DYSF: variants seen among roughly 807,000 people sequenced by gnomAD.
DYSF encodes dysferlin, also known as dystrophy-associated fer-1-like 1.
Under a neutral mutation model 274.9 loss-of-function variants are expected in DYSF, and 212 were observed. That is an observed-to-expected ratio of 0.77 (90% CI 0.69 to 0.86). The LOEUF (loss-of-function observed/expected upper bound fraction) is 0.86. Ranked by LOEUF, DYSF falls within the 40% of genes least tolerant of loss-of-function variation. DYSF has a pLI of 0.00. For synonymous variants in DYSF, 1,091 were observed against 1,078.7 expected (o/e 1.01, Z -0.22); for missense variants, 2,666 against 2,783.2 (o/e 0.96, Z 0.95).
chr2:71,613,169 A>T (rs1202399672), intron 39 of DYSF, among the ~76,000 whole-genome samples, 165 bp from the exon 40 acceptor site: 1 of 152,080 alleles, frequency 6.6e-6, no homozygotes, highest in Non-Finnish European at 1.5e-5. Flanking sequence ...AGAGATGGAG[A>T]TGAGAGAGGG....
rs368297365 is a variant in DYSF, at chr2:71,619,709, T to C, written c.4465-838T>C. Among the ~76,000 whole-genome samples, 9 of 152,248 alleles carry C rather than the reference T, an allele frequency of 5.9e-5. No individual in the cohort carries two copies. The East Asian group carries it at 9.7e-4, about 16-fold the overall frequency. On this transcript the variant is annotated intron_variant, in intron 40 of 55. Transcript: ENST00000410020. The stretch of plus-strand genomic sequence containing the variant: ...TGTGCTTCTTTCTTCCCCTCTACCT[T>C]TGCGCTTGCGATTCCCTCTGCCTAG...
At chr2:71,538,089 G>A in intron 16 of DYSF, among the ~76,000 whole-genome samples, 2 of 152,230 alleles carry the variant, frequency 1.3e-5, no homozygotes, top group East Asian at 3.9e-4. Context: ...TCAAATCCCA[G>A]CTTTGCCATC....
chr2:71,469,112 G>A (rs1287679426), intron 1 of DYSF, among the ~76,000 whole-genome samples: 22 of 152,174 alleles, frequency 1.4e-4, no homozygotes, highest in Admixed American at 1.4e-3. Flanking sequence ...ACAAATACCC[G>A]ATGCAGGTTA....
intron 41 of DYSF, 70 bp downstream of exon 41, chr2:71,620,679 G>A: frequency 1.4e-6 from 2 of 1,444,502 alleles, no homozygotes; most frequent in Non-Finnish European, 1.9e-6. Flanking sequence ...GGGGTTAGGA[G>A]GGAAATGGGA....
intron 45 of DYSF, among the ~76,000 whole-genome samples, chr2:71,663,643 C>T (rs888125080): frequency 6.6e-6 from 1 of 152,194 alleles, no homozygotes; most frequent in Non-Finnish European, 1.5e-5. Flanking sequence ...AGGGAGAATA[C>T]CTCTCCCTTT....
chr2:71,521,881 C>T (rs1405671987), intron 12 of DYSF, among the ~76,000 whole-genome samples: 1 of 152,120 alleles, frequency 6.6e-6, no homozygotes, highest in Non-Finnish European at 1.5e-5. Context: ...ACTTTCTTCC[C>T]TTTCCTAAGC....
At chr2:71,476,169 A>G (rs1353399256) in intron 1 of DYSF, among the ~76,000 whole-genome samples, 1 of 152,156 alleles carries the variant, frequency 6.6e-6, no homozygotes, top group African/African-American at 2.4e-5. Context: ...CAACACTAAG[A>G]GGCTATCTGC....
chr2:71,562,085 C>G lies in DYSF; in HGVS notation c.2409+141C>G. ...TGACCTTGGGCAGGTGACTTAACCT[C>G]TCTGAACCTCAATGGACCAATTTGC... On this transcript the variant is annotated intron_variant, in intron 23 of 55. Coordinates refer to ENST00000410020, the MANE Select transcript of DYSF (RefSeq NM_001130987.2). 3.4e-6 allele frequency: 4 copies of G among 1,160,008 alleles called. No homozygotes were observed. The East Asian group carries it at 1.0e-4, about 30-fold the overall frequency. 71.9% of individuals were successfully genotyped at this position (1,160,008 alleles called of 1,614,324 possible).
chr2:71,618,170 G>GTGTT (rs1249407545), intron 40 of DYSF, among the ~76,000 whole-genome samples: 1 of 143,502 alleles, frequency 7.0e-6, no homozygotes. Flanking sequence ...GTGTGTGTGT[G>GTGTT]GTAGAGGTGG....
intron 13 of DYSF, among the ~76,000 whole-genome samples, chr2:71,527,112 A>G (rs555620136): frequency 6.6e-6 from 1 of 152,154 alleles, no homozygotes; most frequent in East Asian, 1.9e-4. Flanking sequence ...AAACGGTCCA[A>G]ATGCCGGGGC....
rs570165701 is a variant in DYSF, at chr2:71,569,720, G to T, written c.2865-100G>T. The T allele has an allele frequency of 1.7e-4, 167 of 980,588 alleles. 4 individuals are homozygous for T. The highest frequency in any genetic ancestry group is 1.3e-3 in the South Asian group (97 of 73,314). The allele number at this position is 980,588 out of a possible 1,614,324, so 60.7% of individuals were successfully genotyped here. A position where few individuals can be genotyped will look rare whatever the true frequency, so the allele number is the denominator to read the frequency against. On this transcript the variant is annotated intron_variant, in intron 26 of 55. Coordinates refer to ENST00000410020, the MANE Select transcript of DYSF (RefSeq NM_001130987.2). ...CCCCATGTCTCTCATTGTTGGTTGG[G>T]GTGAGGCTGACATACGCAGGGGTGC...
intron 41 of DYSF, among the ~76,000 whole-genome samples, chr2:71,623,299 A>G (rs113063494): frequency 0.4 from 58,031 of 146,220 alleles, 12,761 homozygotes; most frequent in East Asian, 0.49. Flanking sequence ...AGCATTAGGT[A>G]TATCTCCCAA....
chr2:71,678,778 G>A (rs2095258597), intron 52 of DYSF, among the ~76,000 whole-genome samples: 1 of 152,218 alleles, frequency 6.6e-6, no homozygotes, highest in South Asian at 2.1e-4. Context: ...ACATAGATGA[G>A]TAATTGAAGA....
chr2:71,483,643 C>T (rs2152685319), intron 3 of DYSF, among the ~76,000 whole-genome samples: 1 of 152,298 alleles, frequency 6.6e-6, no homozygotes, highest in East Asian at 1.9e-4. Flanking sequence ...AACTGCCACA[C>T]AGCTGAGTGT....
intron 3 of DYSF, among the ~76,000 whole-genome samples, chr2:71,500,534 C>T (rs893819958): frequency 1.3e-5 from 2 of 152,118 alleles, no homozygotes. Context: ...ATCCAAGAGG[C>T]ACCCCAGGCT....
intron 1 of DYSF, among the ~76,000 whole-genome samples, chr2:71,459,377 G>GT (rs890404453): frequency 2.6e-5 from 4 of 152,312 alleles, no homozygotes; most frequent in Admixed American, 2.0e-4. Flanking sequence ...GGTCAGGAAG[G>GT]TAGGGCCACA....
intron 29 of DYSF, among the ~76,000 whole-genome samples, chr2:71,572,980 A>G (rs1173774138): frequency 1.3e-5 from 2 of 152,314 alleles, no homozygotes; most frequent in East Asian, 1.9e-4. Flanking sequence ...ACGCAAGCAC[A>G]TGCACTTGCT....
intron 41 of DYSF, among the ~76,000 whole-genome samples, chr2:71,626,478 A>AAT (rs953171594): frequency 2.0e-5 from 3 of 151,278 alleles, no homozygotes; most frequent in Non-Finnish European, 4.4e-5. Flanking sequence ...AGTTATCTAA[A>AAT]ATATATATAA....
At chr2:71,626,880 G>A (rs1226641185) in intron 41 of DYSF, among the ~76,000 whole-genome samples, 1 of 151,660 alleles carries the variant, frequency 6.6e-6, no homozygotes, top group Admixed American at 6.6e-5. Flanking sequence ...GAGATTTTCT[G>A]TTTCTAAGTG....
Sources: allele counts gnomAD v4.1 joint callset (sites outside exome capture counted in the v4.1 genomes callset), GRCh38; gene constraint gnomAD v4.1.1; transcripts MANE v1.5; gene names NCBI Gene and HGNC (gene_info 2026-07-23, HGNC 2026-07-21).